SIRT5: variants seen among roughly 807,000 people sequenced by gnomAD.
The protein encoded by SIRT5 is sirtuin 5.
Under a neutral mutation model 40.0 loss-of-function variants are expected in SIRT5, and 26 were observed. The observed-to-expected ratio is 0.65, with a 90% CI of 0.48 to 0.90. The LOEUF (loss-of-function observed/expected upper bound fraction) is 0.90. Among genes scored for constraint, SIRT5 ranks in the 40% least tolerant of loss-of-function variants. SIRT5 has a pLI of 0.00. For missense variants in SIRT5, 401 were observed against 402.4 expected (o/e 1.00, Z 0.03); for synonymous variants, 146 against 149.1 (o/e 0.98, Z 0.15).
At chr6:13,589,845 G>A (rs946596072) in intron 4 of SIRT5, among the ~76,000 whole-genome samples, 1 of 152,186 alleles carries the variant, frequency 6.6e-6, no homozygotes, top group African/African-American at 2.4e-5. Context: ...AGTTGCGTCC[G>A]AAAAGGCTCA....
chr6:13,584,402 G>T (rs538492379), intron 3 of SIRT5, among the ~76,000 whole-genome samples, 177 bp downstream of exon 3: 1 of 152,068 alleles, frequency 6.6e-6, no homozygotes, highest in East Asian at 1.9e-4. Flanking sequence ...CCAGGCTGGA[G>T]TGCGGTGGTG....
intron 4 of SIRT5, among the ~76,000 whole-genome samples, 194 bp downstream of exon 4, chr6:13,588,658 G>A (rs936780687): frequency 7.9e-5 from 12 of 152,156 alleles, no homozygotes; most frequent in Non-Finnish European, 1.5e-4. Flanking sequence ...AGGCTGCCAC[G>A]TTCCTTCCTA....
intron 9 of SIRT5, among the ~76,000 whole-genome samples, chr6:13,602,496 G>A (rs564968415): frequency 9.5e-5 from 14 of 147,202 alleles, no homozygotes; most frequent in Non-Finnish European, 1.8e-4. Flanking sequence ...GTAAAACTCC[G>A]TCTCAAAAAA....
rs184042369 is a variant in SIRT5 at position 13,585,977 on chromosome 6, A to G, written c.115+1752A>G. 3.2e-3 allele frequency among the ~76,000 whole-genome samples: 485 copies of G among 152,204 alleles called. 4 individuals are homozygous for G. The highest frequency in any genetic ancestry group is 0.011 in the African/African-American group (463 of 41,514). On this transcript the variant is annotated intron_variant, in intron 3 of 9. Transcript: ENST00000606117. ...GTATCTCACTGTGGTTTTGATTTGC[A>G]TTTCTCTGATGGCCAGTGATGATGA...
chr6:13,610,124 G>T lies in SIRT5; in HGVS notation c.858-1666G>T, dbSNP rs969492250. Among the ~76,000 whole-genome samples the T allele has an allele frequency of 2.0e-5, 3 of 152,068 alleles. No homozygotes were observed. In the South Asian group the frequency reaches 6.2e-4, roughly 32 times the overall value. ...TGGGACTACAAGCTCGTGTCACCAC[G>T]CATGGTTGTTTTTACTGTTACCTTT... is the stretch of plus-strand genomic sequence containing the variant. On this transcript the variant is annotated intron_variant, in intron 9 of 9. Transcript: ENST00000606117.
intron 9 of SIRT5, among the ~76,000 whole-genome samples, chr6:13,602,095 C>A (rs1762468530): frequency 6.6e-6 from 1 of 151,982 alleles, no homozygotes; most frequent in Non-Finnish European, 1.5e-5. Context: ...ATAAGGAAGG[C>A]CTAAATGAAT....
intron 5 of SIRT5, among the ~76,000 whole-genome samples, chr6:13,593,360 T>G (rs1176295963): frequency 6.6e-6 from 1 of 152,206 alleles, no homozygotes; most frequent in African/African-American, 2.4e-5. Context: ...GTGTCTGTCT[T>G]TTGTTCATCA....
chr6:13,610,317 C>T (rs967595917), intron 9 of SIRT5, among the ~76,000 whole-genome samples: 1 of 152,172 alleles, frequency 6.6e-6, no homozygotes, highest in African/African-American at 2.4e-5. Context: ...TTTGGACCAC[C>T]TTCCAAGTTG....
At chr6:13,580,076 C>T (rs1024322887) in intron 2 of SIRT5, among the ~76,000 whole-genome samples, 1 of 152,198 alleles carries the variant, frequency 6.6e-6, no homozygotes, top group Non-Finnish European at 1.5e-5. Flanking sequence ...ACCAGAGTGG[C>T]TGCTGGGGCC....
At chr6:13,595,403 A>C in intron 5 of SIRT5, 74 bp from the exon 6 acceptor site, 2 of 1,138,872 alleles carry the variant, frequency 1.8e-6, no homozygotes, top group Non-Finnish European at 2.7e-6. Context: ...AAAGTATCTT[A>C]TACCCTTTTA....
chr6:13,577,484 G>A (rs1174499358), intron 1 of SIRT5, among the ~76,000 whole-genome samples: 1 of 151,524 alleles, frequency 6.6e-6, no homozygotes, highest in Non-Finnish European at 1.5e-5. Context: ...ATTTTTATAT[G>A]TGATTTTGTA....
At chr6:13,608,500 C>T (rs1490878625) in intron 9 of SIRT5, among the ~76,000 whole-genome samples, 1 of 151,804 alleles carries the variant, frequency 6.6e-6, no homozygotes, top group Non-Finnish European at 1.5e-5. Context: ...GTGGGAGAAT[C>T]CCTTGAGCCT....
rs1320715327 is a variant in SIRT5, at chr6:13,591,763, A to G, written c.344A>G (p.Asn115Ser). The G allele has an allele frequency of 3.9e-5, 63 of 1,613,632 alleles. No individual in the cohort carries two copies. The highest frequency in any genetic ancestry group is 5.1e-5 in the Non-Finnish European group (60 of 1,179,716). ...GAGGTCATGGGGAGCAAGGAGCCCA[A>G]CGCCGGGCACCGCGCCATAGCCGAG... is the stretch of plus-strand genomic sequence containing the variant. The part of the protein sequence containing the change: ...RREVMGSKEP[N>S]AGHRAIAECE... The change falls in exon 5 of 10, where the codon AAC becomes AGC. Residue 115 changes from asparagine to serine, a missense_variant. Physicochemically the swap from Asn to Ser is conservative, Grantham distance 46. Coordinates refer to ENST00000606117, the MANE Select transcript of SIRT5 (RefSeq NM_012241.5).
At chr6:13,585,893 G>C (rs1233808720) in intron 3 of SIRT5, among the ~76,000 whole-genome samples, 1 of 152,074 alleles carries the variant, frequency 6.6e-6, no homozygotes, top group African/African-American at 2.4e-5. Flanking sequence ...TCCACATCCT[G>C]TCCAGCACCT....
At chr6:13,588,157 T>TGTACACTCA (rs1760325207) in intron 3 of SIRT5, among the ~76,000 whole-genome samples, 174 bp from the exon 4 acceptor site, 1 of 152,224 alleles carries the variant, frequency 6.6e-6, no homozygotes, top group Admixed American at 6.5e-5. Context: ...TTTAAAATAT[T>TGTACACTCA]GTACACTCAC....
chr6:13,611,473 G>GA (rs1763918022), intron 9 of SIRT5, among the ~76,000 whole-genome samples: 2 of 151,552 alleles, frequency 1.3e-5, no homozygotes, highest in Non-Finnish European at 2.9e-5. Context: ...CTCAGGATTT[G>GA]AAAAAAACAA....
At chr6:13,584,547 C>T (rs1193522090) in intron 3 of SIRT5, among the ~76,000 whole-genome samples, 4 of 152,102 alleles carry the variant, frequency 2.6e-5, no homozygotes, top group African/African-American at 4.8e-5. Context: ...GATGGGGTTT[C>T]GCCATGTTGG....
intron 5 of SIRT5, among the ~76,000 whole-genome samples, chr6:13,594,030 G>A (rs1052392490): frequency 6.6e-6 from 1 of 152,078 alleles, no homozygotes; most frequent in Non-Finnish European, 1.5e-5. Flanking sequence ...CCGCAAGTTC[G>A]CTATTGGGCC....
intron 1 of SIRT5, among the ~76,000 whole-genome samples, chr6:13,578,417 G>C (rs1433951746): frequency 6.6e-6 from 1 of 151,866 alleles, no homozygotes; most frequent in Non-Finnish European, 1.5e-5. Context: ...TCAGGAGATC[G>C]AGACCATCCT....
Sources: gnomAD v4.1 joint callset for allele counts (sites outside exome capture counted in the v4.1 genomes callset) on GRCh38, gnomAD v4.1.1 for gene constraint, MANE v1.5 for transcripts, NCBI Gene and HGNC (gene_info 2026-07-23, HGNC 2026-07-21) for gene names.